RIN2: variants seen among roughly 807,000 people sequenced by gnomAD.
RIN2 encodes the protein Ras and Rab interactor 2.
In RIN2, 36 loss-of-function variants were observed where a neutral mutation model predicts 78.0. The observed-to-expected ratio is 0.46, with a 90% CI of 0.35 to 0.61. RIN2 has a LOEUF of 0.61. Ranked by LOEUF, RIN2 falls within the 20% of genes least tolerant of loss-of-function variation. The pLI is 0.00. For synonymous variants in RIN2, 466 were observed against 466.8 expected (o/e 1.00, Z 0.02); for missense variants, 1,087 against 1,159.7 (o/e 0.94, Z 0.91).
chr20:19,852,510 C>A (rs1394831752), intron 2 of RIN2, among the ~76,000 whole-genome samples: 1 of 152,098 alleles, frequency 6.6e-6, no homozygotes, highest in African/African-American at 2.4e-5. Flanking sequence ...GGAGAGCAAG[C>A]AAGAAGCATT....
At chr20:19,931,839 C>T (rs1356340348) in intron 3 of RIN2, among the ~76,000 whole-genome samples, 1 of 151,198 alleles carries the variant, frequency 6.6e-6, no homozygotes, top group Non-Finnish European at 1.5e-5. Flanking sequence ...ATTAATGTAT[C>T]CATTCTCCTC....
At chr20:19,918,439 G>T (rs112014643) in intron 3 of RIN2, among the ~76,000 whole-genome samples, 1 of 151,542 alleles carries the variant, frequency 6.6e-6, no homozygotes, top group East Asian at 1.9e-4. Context: ...GGACATTAAA[G>T]CTGGCTCCAA....
chr20:19,788,440 A>AAAAAAAAAAC (rs2034769614), intron 1 of RIN2, among the ~76,000 whole-genome samples: 1 of 110,158 alleles, frequency 9.1e-6, no homozygotes, highest in African/African-American at 4.7e-5. Flanking sequence ...GCCAAAAAAA[A>AAAAAAAAAAC]AAAAAAAAAC....
chr20:19,948,889 ACCT>A, intron 4 of RIN2, among the ~76,000 whole-genome samples: 1 of 151,996 alleles, frequency 6.6e-6, no homozygotes, highest in Non-Finnish European at 1.5e-5. Context: ...TGCAGCCTCA[ACCT>A]CCTAGGCTCA....
At chr20:19,786,099 A>C (rs1422003558) in intron 1 of RIN2, among the ~76,000 whole-genome samples, 1 of 152,286 alleles carries the variant, frequency 6.6e-6, no homozygotes, top group East Asian at 1.9e-4. Flanking sequence ...AAACATAGCC[A>C]CAATGTCATC....
intron 9 of RIN2, among the ~76,000 whole-genome samples, chr20:19,976,727 C>T (rs1435808556): frequency 1.3e-5 from 2 of 152,140 alleles, no homozygotes; most frequent in Admixed American, 6.5e-5. Context: ...TTTGGAGCTA[C>T]CAAACATTTC....
intron 5 of RIN2, among the ~76,000 whole-genome samples, chr20:19,960,109 A>G (rs1272227969): frequency 6.6e-6 from 1 of 152,256 alleles, no homozygotes; most frequent in Non-Finnish European, 1.5e-5. Flanking sequence ...GCCATTTTTC[A>G]GCTCCAGTAG....
chr20:19,862,534 G>A (rs760557636), intron 2 of RIN2, among the ~76,000 whole-genome samples: 6 of 152,078 alleles, frequency 3.9e-5, no homozygotes, highest in East Asian at 1.9e-4. Context: ...CAGAGGTTGC[G>A]GTGAGCCAAT....
At chr20:19,905,353 A>G (rs2039173533) in intron 3 of RIN2, among the ~76,000 whole-genome samples, 1 of 152,180 alleles carries the variant, frequency 6.6e-6, no homozygotes, top group East Asian at 1.9e-4. Context: ...GAGGGGCAGG[A>G]GAGGGAGTGA....
At chr20:19,767,248 C>T (rs1466452620) in intron 1 of RIN2, among the ~76,000 whole-genome samples, 1 of 152,170 alleles carries the variant, frequency 6.6e-6, no homozygotes, top group Non-Finnish European at 1.5e-5. Context: ...CCAGCAAGGC[C>T]TGTCTGTCTA....
intron 4 of RIN2, among the ~76,000 whole-genome samples, chr20:19,938,533 C>T (rs1337817764): frequency 6.6e-6 from 1 of 152,022 alleles, no homozygotes; most frequent in Non-Finnish European, 1.5e-5. Flanking sequence ...CTGAGCCACT[C>T]CTTTTCACTC....
At chr20:19,860,271 C>T (rs933170048) in intron 2 of RIN2, among the ~76,000 whole-genome samples, 4 of 146,112 alleles carry the variant, frequency 2.7e-5, no homozygotes, top group East Asian at 2.0e-4. Context: ...CATCCTGTAT[C>T]GGGTCTGCCC....
At chr20:19,969,702 T>C (rs914219479) in intron 7 of RIN2, among the ~76,000 whole-genome samples, 13 of 152,314 alleles carry the variant, frequency 8.5e-5, no homozygotes, top group African/African-American at 2.4e-4. Flanking sequence ...CAGATGATCA[T>C]AAACATCTGT....
intron 9 of RIN2, among the ~76,000 whole-genome samples, chr20:19,977,779 C>T (rs1352086135): frequency 6.6e-6 from 1 of 152,170 alleles, no homozygotes; most frequent in African/African-American, 2.4e-5. Context: ...TGAGGCAGCT[C>T]AGACTAAAGC....
intron 2 of RIN2, among the ~76,000 whole-genome samples, chr20:19,841,654 A>G (rs2036579512): frequency 6.6e-6 from 1 of 152,214 alleles, no homozygotes; most frequent in Non-Finnish European, 1.5e-5. Context: ...ACTGGGACCA[A>G]TGAGAAAAAG....
At chr20:19,851,056 GAAA>G (rs1402035339) in intron 2 of RIN2, among the ~76,000 whole-genome samples, 7 of 110,912 alleles carry the variant, frequency 6.3e-5, no homozygotes, top group African/African-American at 3.0e-4. Flanking sequence ...GAAGGAGAAA[GAAA>G]GGAAGGAAGG....
chr20:19,866,423 A>T (rs1194805523), intron 2 of RIN2, among the ~76,000 whole-genome samples: 1 of 152,200 alleles, frequency 6.6e-6, no homozygotes, highest in Non-Finnish European at 1.5e-5. Context: ...TCTGAAAAGA[A>T]AAAGGATATA....
chr20:19,967,069 A>G (rs991182119), intron 7 of RIN2, among the ~76,000 whole-genome samples: 4 of 152,186 alleles, frequency 2.6e-5, no homozygotes, highest in African/African-American at 9.6e-5. Context: ...CTTTTTGGTA[A>G]TTGTGGAGTT....
intron 2 of RIN2, among the ~76,000 whole-genome samples, chr20:19,826,799 G>A (rs1226805598): frequency 6.6e-6 from 1 of 151,990 alleles, no homozygotes; most frequent in African/African-American, 2.4e-5. Flanking sequence ...CTGTGTGCAG[G>A]CATTTAACTA....
Sources: gnomAD v4.1 joint callset for allele counts (sites outside exome capture counted in the v4.1 genomes callset) on GRCh38, gnomAD v4.1.1 for gene constraint, MANE v1.5 for transcripts, NCBI Gene and HGNC (gene_info 2026-07-23, HGNC 2026-07-21) for gene names.